Variants in LRBA observed in about 807,000 individuals in gnomAD.
LRBA encodes the protein LPS responsive beige-like anchor protein.
A neutral mutation model predicts 330.0 loss-of-function variants in LRBA; 176 were observed. The observed-to-expected ratio is 0.53, with a 90% CI of 0.47 to 0.60. The LOEUF (loss-of-function observed/expected upper bound fraction) is 0.60, where lower values mean the gene tolerates loss of function less well. Ranked by LOEUF, LRBA falls within the 20% of genes least tolerant of loss-of-function variation. LRBA has a pLI of 0.00. For missense variants in LRBA, 3,259 were observed against 3,444.8 expected (o/e 0.95, Z 1.35); for synonymous variants, 1,230 against 1,193.0 (o/e 1.03, Z -0.64).
chr4:150,796,700 C>G (rs769534709), intron 34 of LRBA, among the ~76,000 whole-genome samples: 1 of 151,810 alleles, frequency 6.6e-6, no homozygotes, highest in African/African-American at 2.4e-5. Context: ...AAAATACATT[C>G]GATTCTTCTA....
At chr4:150,402,197 G>A (rs1162100612) in intron 47 of LRBA, among the ~76,000 whole-genome samples, 5 of 150,292 alleles carry the variant, frequency 3.3e-5, no homozygotes. Context: ...GGAATTATTT[G>A]GAAATAAAAT....
At chr4:150,746,872 G>T (rs776468211) in intron 35 of LRBA, among the ~76,000 whole-genome samples, 1 of 152,004 alleles carries the variant, frequency 6.6e-6, no homozygotes, top group Non-Finnish European at 1.5e-5. Context: ...TGGAACTCAG[G>T]ATCATGTCTT....
rs970378017 is a variant in LRBA, at chr4:150,334,637, G to A, written c.7363-8739C>T. ...CTATTTTCTCTGATGGAGGAAGGAT[G>A]AAAAGATTGGCAGAATAAAAATTTA... On this transcript the variant is annotated intron_variant, in intron 48 of 56. Transcript: ENST00000651943. 6.3e-4 allele frequency among the ~76,000 whole-genome samples: 95 copies of A among 151,996 alleles called. 1 individual carries two copies. Among genetic ancestry groups the A allele is most frequent in the African/African-American group, 2.2e-3 (91 of 41,470 alleles).
intron 14 of LRBA, among the ~76,000 whole-genome samples, chr4:150,899,003 A>T (rs747276621): frequency 5.3e-4 from 81 of 152,338 alleles, no homozygotes; most frequent in Non-Finnish European, 9.1e-4. Context: ...CTCTTACTGC[A>T]ATCAGAATGT....
At chr4:150,872,249 C>G (rs187488121) in intron 18 of LRBA, among the ~76,000 whole-genome samples, 532 of 152,256 alleles carry the variant, frequency 3.5e-3, no homozygotes, top group Non-Finnish European at 4.7e-3. Context: ...ACATGAATAT[C>G]TGTATTCAGC....
intron 2 of LRBA, among the ~76,000 whole-genome samples, chr4:151,002,670 C>T (rs967757887): frequency 6.7e-6 from 1 of 149,290 alleles, no homozygotes; most frequent in Non-Finnish European, 1.5e-5. Flanking sequence ...ATATGAATAA[C>T]AAGTTTACCA....
intron 16 of LRBA, 26 bp from the exon 17 acceptor site, chr4:150,893,175 T>TA (rs1729651444): frequency 2.8e-6 from 4 of 1,437,632 alleles, no homozygotes; most frequent in African/African-American, 2.9e-5. Flanking sequence ...AAATTTTTTT[T>TA]AAAAAATGAG....
At chr4:150,887,869 A>G (rs1729113199) in intron 17 of LRBA, among the ~76,000 whole-genome samples, 1 of 151,970 alleles carries the variant, frequency 6.6e-6, no homozygotes, top group South Asian at 2.1e-4. Context: ...GAAAGGAGGA[A>G]GAGAGAGATG....
intron 48 of LRBA, among the ~76,000 whole-genome samples, chr4:150,327,140 G>A (rs1382503265): frequency 1.3e-5 from 2 of 152,100 alleles, no homozygotes; most frequent in Admixed American, 1.3e-4. Context: ...TCTTTTTGAA[G>A]AACAGCTGGT....
At chr4:150,284,001 G>T (rs1747860810) in intron 54 of LRBA, among the ~76,000 whole-genome samples, 1 of 152,146 alleles carries the variant, frequency 6.6e-6, no homozygotes. Flanking sequence ...TCAAAAAGGG[G>T]TATTGGCCAA....
chr4:151,011,051 G>A (rs574217392), intron 2 of LRBA, among the ~76,000 whole-genome samples: 9 of 152,054 alleles, frequency 5.9e-5, no homozygotes, highest in African/African-American at 1.9e-4. Context: ...GCTGGGCGTG[G>A]TGGCGGGCAC....
intron 34 of LRBA, among the ~76,000 whole-genome samples, chr4:150,792,003 T>G (rs568292289): frequency 9.1e-6 from 1 of 110,454 alleles, no homozygotes; most frequent in South Asian, 3.0e-4. Flanking sequence ...CACTCCAGCC[T>G]GGGCGACAGA....
intron 56 of LRBA, among the ~76,000 whole-genome samples, chr4:150,267,442 A>G (rs1319625225): frequency 1.3e-5 from 2 of 151,862 alleles, no homozygotes; most frequent in Non-Finnish European, 2.9e-5. Flanking sequence ...AAAACAAACA[A>G]CAACATAAGA....
In LRBA at chr4:150,300,066, C is replaced by A. The variant is rs75272223; in HGVS notation, c.8017+2559G>T. Among the ~76,000 whole-genome samples, 792 of 152,176 alleles carry A rather than the reference C, an allele frequency of 5.2e-3. 7 individuals carry two copies. Among genetic ancestry groups the A allele is most frequent in the African/African-American group, 0.018 (754 of 41,560 alleles). On this transcript the variant is annotated intron_variant, in intron 53 of 56. Transcript: ENST00000651943. ...ATGAATGTTTGAAACAGTTTACACA[C>A]GGTAACAATGTCTTTGTTTTTGTTT...
intron 34 of LRBA, among the ~76,000 whole-genome samples, chr4:150,793,804 GCTAA>G (rs1370962510): frequency 2.6e-5 from 4 of 152,138 alleles, no homozygotes; most frequent in South Asian, 4.1e-4. Flanking sequence ...CTAGGAGCTA[GCTAA>G]CTGATTCATT....
At chr4:150,510,076 G>C (rs967546174) in intron 40 of LRBA, among the ~76,000 whole-genome samples, 2 of 152,248 alleles carry the variant, frequency 1.3e-5, no homozygotes, top group Non-Finnish European at 1.5e-5. Context: ...GGAGGTGGAG[G>C]TTGCAGTGAG....
chr4:150,792,372 G>A (rs548944109), intron 34 of LRBA, among the ~76,000 whole-genome samples: 12 of 152,146 alleles, frequency 7.9e-5, no homozygotes, highest in Admixed American at 2.6e-4. Flanking sequence ...CAGAGGAGGG[G>A]ATTGATTGAA....
chr4:150,537,501 G>A (rs190071617), intron 40 of LRBA, among the ~76,000 whole-genome samples: 1 of 152,148 alleles, frequency 6.6e-6, no homozygotes, highest in South Asian at 2.1e-4. Flanking sequence ...TTAAAATAAA[G>A]AGCTTCTGCA....
At position 150,683,362 on chromosome 4, in the gene LRBA, C is replaced by A. The variant is rs576693067; in HGVS notation, c.5921+189G>T. Reference sequence around the variant, plus strand: ...ACATACTGATTGGATAAATATGGATCTATAAAGATCCATAATTGTACCCAT... The same window carrying A: ...ACATACTGATTGGATAAATATGGATATATAAAGATCCATAATTGTACCCAT... On this transcript the variant is annotated intron_variant, in intron 37 of 56. Transcript: ENST00000651943. 2.0e-5 allele frequency among the ~76,000 whole-genome samples: 3 copies of A among 152,232 alleles called. No individual in the cohort carries two copies. In the South Asian group the frequency reaches 6.2e-4, roughly 32 times the overall value.
Sources: gnomAD v4.1 joint callset for allele counts (sites outside exome capture counted in the v4.1 genomes callset) on GRCh38, gnomAD v4.1.1 for gene constraint, MANE v1.5 for transcripts, NCBI Gene and HGNC (gene_info 2026-07-23, HGNC 2026-07-21) for gene names.